Variants in KIF26B observed in about 807,000 individuals in gnomAD.
KIF26B encodes the protein kinesin family member 26B.
Under a neutral mutation model 151.2 loss-of-function variants are expected in KIF26B, and 63 were observed. The ratio of observed to expected loss-of-function variants is 0.42; its 90% CI spans 0.34 to 0.51. The LOEUF (loss-of-function observed/expected upper bound fraction) is 0.51. Ranked by LOEUF, KIF26B falls within the 20% of genes least tolerant of loss-of-function variation. KIF26B has a pLI of 0.07. For missense variants in KIF26B, 2,813 were observed against 2,913.6 expected (o/e 0.97, Z 0.79); for synonymous variants, 1,357 against 1,262.1 (o/e 1.08, Z -1.59).
chr1:245,556,353 C>CTCCTCTTCTTCT (rs1662037188), intron 5 of KIF26B, among the ~76,000 whole-genome samples: 1 of 139,436 alleles, frequency 7.2e-6, no homozygotes. Flanking sequence ...CTCCCTCCTC[C>CTCCTCTTCTTCT]TCCTCCTCCT....
At chr1:245,515,084 G>T (rs976627667) in intron 4 of KIF26B, among the ~76,000 whole-genome samples, 3 of 152,148 alleles carry the variant, frequency 2.0e-5, no homozygotes, top group Non-Finnish European at 4.4e-5. Context: ...TTGAGTCCCA[G>T]CTCTGTGCAT....
At chr1:245,550,429 T>C (rs929979041) in intron 5 of KIF26B, among the ~76,000 whole-genome samples, 1 of 152,246 alleles carries the variant, frequency 6.6e-6, no homozygotes, top group Admixed American at 6.5e-5. Context: ...TGCTCCGTCC[T>C]GGCTGCTCCC....
intron 4 of KIF26B, among the ~76,000 whole-genome samples, chr1:245,466,894 C>G (rs530260773): frequency 1.4e-4 from 22 of 152,348 alleles, no homozygotes; most frequent in Non-Finnish European, 2.8e-4. Context: ...CCACCGCACT[C>G]CAGCCTGGGC....
intron 3 of KIF26B, among the ~76,000 whole-genome samples, chr1:245,411,879 G>A (rs1423881009): frequency 6.6e-6 from 1 of 152,140 alleles, no homozygotes; most frequent in East Asian, 1.9e-4. Context: ...GATGACTGGA[G>A]TAAGGTGCCC....
In KIF26B at chr1:245,532,554, C is replaced by T. The variant is rs1661397828; in HGVS notation, c.1167-8213C>T. ...GGGGAAATTTTTAAGGGTAAATTCA[C>T]AGCGATGATTTCCATTGGTTAACTC... On this transcript the variant is annotated intron_variant, in intron 4 of 14. Coordinates refer to ENST00000407071, the MANE Select transcript of KIF26B (RefSeq NM_018012.4). Among the ~76,000 whole-genome samples, 4 of 152,068 alleles carry T rather than the reference C, an allele frequency of 2.6e-5. No homozygotes were observed. The South Asian group carries it at 6.2e-4, about 24-fold the overall frequency.
At chr1:245,556,238 CTT>C (rs1662023286) in intron 5 of KIF26B, among the ~76,000 whole-genome samples, 1 of 149,866 alleles carries the variant, frequency 6.7e-6, no homozygotes, top group African/African-American at 2.5e-5. Context: ...TCTTCTTCTT[CTT>C]CCTCCTTCTT....
rs1240807384 is a variant in KIF26B, at chr1:245,241,253, G to A, written c.465+84570G>A. Among the ~76,000 whole-genome samples, 1 of 152,156 alleles carries A rather than the reference G, an allele frequency of 6.6e-6. No individual in the cohort carries two copies. Among genetic ancestry groups the A allele is most frequent in the East Asian group, 1.9e-4 (1 of 5,178 alleles). ...AAGTGAAGGTGGAATGACCAGGATG[G>A]CCAGAGCCAGAGGAAGACCACGAAG... On this transcript the variant is annotated intron_variant, in intron 2 of 14. Transcript: ENST00000407071. The surrounding 1 kb of genome is among the most constrained non-coding windows in gnomAD (Gnocchi z 5.0).
Position 245,687,313 on chromosome 1 carries a change from C to T in KIF26B, c.4330C>T (p.Arg1444Ter). 1 of 1,603,680 alleles carries T rather than the reference C, an allele frequency of 6.2e-7. No homozygotes were observed. The highest frequency in any genetic ancestry group is 1.1e-5 in the South Asian group (1 of 89,296). ...EMKFEDPWLK[R>*]EEEVKKETAH... ...GAAATTTGAGGACCCGTGGCTGAAA[C>T]GAGAAGAGGAAGTGAAAAAAGAGAC... The change falls in exon 12 of 15, where the codon CGA becomes TGA. Residue 1444 changes from arginine to a stop codon, truncating the protein, a stop_gained. Transcript: ENST00000407071. LOFTEE classifies it high-confidence loss of function. The surrounding 1 kb of genome is among the most constrained non-coding windows in gnomAD (Gnocchi z 4.9).
chr1:245,362,225 G>A (rs533038436), intron 2 of KIF26B, among the ~76,000 whole-genome samples: 1 of 151,546 alleles, frequency 6.6e-6, no homozygotes, highest in African/African-American at 2.4e-5. Context: ...AAGCATCGAC[G>A]AACAAAATCT....
At chr1:245,529,785 C>T (rs1437608420) in intron 4 of KIF26B, among the ~76,000 whole-genome samples, 1 of 152,084 alleles carries the variant, frequency 6.6e-6, no homozygotes, top group African/African-American at 2.4e-5. Flanking sequence ...TGAGGAACAC[C>T]CCACAAGCAC....
intron 3 of KIF26B, among the ~76,000 whole-genome samples, chr1:245,380,122 C>T (rs1050081019): frequency 6.6e-6 from 1 of 152,150 alleles, no homozygotes; most frequent in African/African-American, 2.4e-5. Context: ...GTTAATGAGT[C>T]ATATATTTCA....
At chr1:245,444,223 C>T (rs1303800924) in intron 4 of KIF26B, among the ~76,000 whole-genome samples, 2 of 152,222 alleles carry the variant, frequency 1.3e-5, no homozygotes, top group Non-Finnish European at 2.9e-5. Context: ...TCATCTCCCT[C>T]ACTGTTCACC....
intron 9 of KIF26B, among the ~76,000 whole-genome samples, chr1:245,624,448 T>C (rs2103166522): frequency 6.6e-6 from 1 of 152,354 alleles, no homozygotes; most frequent in East Asian, 1.9e-4. Flanking sequence ...TTTTAAGTTT[T>C]GCCTGTTTAC....
intron 5 of KIF26B, among the ~76,000 whole-genome samples, chr1:245,583,838 C>G (rs906016897): frequency 4.6e-5 from 7 of 152,222 alleles, no homozygotes; most frequent in African/African-American, 1.4e-4. Flanking sequence ...TGAGGGCTCC[C>G]TGTTTTGAAG....
At chr1:245,645,190 C>T (rs551916317) in intron 9 of KIF26B, among the ~76,000 whole-genome samples, 7 of 152,224 alleles carry the variant, frequency 4.6e-5, no homozygotes, top group Admixed American at 1.3e-4. Context: ...CACTTCAACA[C>T]GACGCCTGTG....
intron 3 of KIF26B, among the ~76,000 whole-genome samples, chr1:245,410,439 G>T (rs1336410906): frequency 6.6e-6 from 1 of 151,844 alleles, no homozygotes; most frequent in African/African-American, 2.4e-5. Flanking sequence ...GGTGTTGTGG[G>T]ATTCTCTCTC....
At chr1:245,327,271 A>G (rs1672010017) in intron 2 of KIF26B, among the ~76,000 whole-genome samples, 1 of 152,058 alleles carries the variant, frequency 6.6e-6, no homozygotes, top group Non-Finnish European at 1.5e-5. Context: ...TTTCCCCCTT[A>G]CTTATGCCCT....
chr1:245,313,273 T>G (rs1372506958), intron 2 of KIF26B, among the ~76,000 whole-genome samples: 4 of 152,226 alleles, frequency 2.6e-5, no homozygotes, highest in Admixed American at 6.5e-5. Context: ...ATGGCTTCAC[T>G]GGTTTATGCA....
intron 10 of KIF26B, among the ~76,000 whole-genome samples, chr1:245,681,265 A>G (rs1268944325): frequency 6.7e-6 from 1 of 150,218 alleles, no homozygotes; most frequent in Non-Finnish European, 1.5e-5. Context: ...GCTGAAGTGC[A>G]GTGGCGCGAT....
Sources: gnomAD v4.1 joint callset for allele counts (sites outside exome capture counted in the v4.1 genomes callset) on GRCh38, gnomAD v4.1.1 for gene constraint, Gnocchi (gnomAD v3.1) non-coding constraint, MANE v1.5 for transcripts, NCBI Gene and HGNC (gene_info 2026-07-23, HGNC 2026-07-21) for gene names.